The following RALGPS1 variants were observed in gnomAD, a reference collection of about 807,000 sequenced individuals.
RALGPS1 encodes the protein ras-specific guanine nucleotide-releasing factor RalGPS1.
Under a neutral mutation model 78.8 loss-of-function variants are expected in RALGPS1, and 19 were observed. That is an observed-to-expected ratio of 0.24 (90% CI 0.17 to 0.35). The LOEUF is 0.35. RALGPS1 is among the 10% of genes least tolerant of loss of function. The probability of loss-of-function intolerance (pLI) is 1.00; values close to 1 mark genes in which losing one functional copy is unlikely to be tolerated. For synonymous variants in RALGPS1, 228 were observed against 256.3 expected, an observed-to-expected ratio of 0.89 and a Z score of 1.06; for missense variants, 454 against 688.3, an observed-to-expected ratio of 0.66 and a Z score of 3.81.
chr9:126,958,142 A>AAAAAAAAAT (rs113413659), intron 1 of RALGPS1, among the ~76,000 whole-genome samples: 13 of 77,098 alleles, frequency 1.7e-4, no homozygotes, highest in Non-Finnish European at 3.3e-4. Context: ...AAAAAAAAAA[A>AAAAAAAAAT]ATATATATAT....
intron 8 of RALGPS1, among the ~76,000 whole-genome samples, chr9:127,099,040 G>A (rs1350989963): frequency 1.3e-5 from 2 of 152,236 alleles, no homozygotes; most frequent in Non-Finnish European, 2.9e-5. Flanking sequence ...CAAGAGGGAT[G>A]CCTCTTCTCT....
chr9:127,076,563 A>C lies in RALGPS1; in HGVS notation c.610+7207A>C, dbSNP rs543802320. ...CTTTATTTGCAAATATAAATTCTAAAGTTTAAAATCAAGACAAATTTTTCC... is the reference window on the plus strand; with the variant it reads ...CTTTATTTGCAAATATAAATTCTAACGTTTAAAATCAAGACAAATTTTTCC... On this transcript the variant is annotated intron_variant, in intron 8 of 18. Coordinates refer to ENST00000259351, the MANE Select transcript of RALGPS1 (RefSeq NM_014636.3). Among the ~76,000 whole-genome samples the C allele has an allele frequency of 9.2e-5, 14 of 152,370 alleles. 1 individual carries two copies. In the East Asian group the frequency reaches 2.7e-3, roughly 29 times the overall value.
intron 11 of RALGPS1, among the ~76,000 whole-genome samples, chr9:127,194,068 C>T (rs995311977): frequency 1.3e-5 from 2 of 152,220 alleles, no homozygotes; most frequent in African/African-American, 2.4e-5. Flanking sequence ...AACTCCCTGG[C>T]TCTGGTGACC....
At chr9:127,126,410 T>C (rs2056621398) in intron 8 of RALGPS1, among the ~76,000 whole-genome samples, 1 of 152,224 alleles carries the variant, frequency 6.6e-6, no homozygotes, top group East Asian at 1.9e-4. Context: ...TATATGTTTT[T>C]ACTAAATTTG....
chr9:126,941,514 C>T (rs1009505468), intron 1 of RALGPS1, among the ~76,000 whole-genome samples: 3 of 152,126 alleles, frequency 2.0e-5, no homozygotes, highest in Non-Finnish European at 2.9e-5. Context: ...ACCCTGCCTA[C>T]TTTTCTCTGC....
At chr9:127,060,266 T>C (rs1165221727) in intron 7 of RALGPS1, among the ~76,000 whole-genome samples, 2 of 152,100 alleles carry the variant, frequency 1.3e-5, no homozygotes, top group African/African-American at 4.8e-5. Flanking sequence ...TGTGAGAAAT[T>C]GTCACCCTAG....
At chr9:127,009,664 C>A (rs2044169359) in intron 4 of RALGPS1, among the ~76,000 whole-genome samples, 1 of 152,118 alleles carries the variant, frequency 6.6e-6, no homozygotes, top group South Asian at 2.1e-4. Context: ...TGTTCTGTGG[C>A]CTTGGACAGT....
chr9:127,132,132 C>T (rs564343342), intron 8 of RALGPS1, among the ~76,000 whole-genome samples: 42 of 152,192 alleles, frequency 2.8e-4, no homozygotes, highest in African/African-American at 9.4e-4. Context: ...AGGAAAAATG[C>T]GGTTTGGCTT....
chr9:127,108,992 G>C (rs540708016), intron 8 of RALGPS1, among the ~76,000 whole-genome samples: 9 of 152,234 alleles, frequency 5.9e-5, no homozygotes, highest in Non-Finnish European at 1.0e-4. Context: ...GAAGGGAAGA[G>C]GGAGGGTCTC....
intron 1 of RALGPS1, among the ~76,000 whole-genome samples, chr9:126,937,457 T>C (rs1296173581): frequency 1.3e-5 from 2 of 152,176 alleles, no homozygotes; most frequent in African/African-American, 4.8e-5. Context: ...AGAACTTATA[T>C]TAGGACTAGA....
chr9:127,044,342 C>T (rs139177578), intron 5 of RALGPS1, among the ~76,000 whole-genome samples: 1 of 152,098 alleles, frequency 6.6e-6, no homozygotes, highest in Non-Finnish European at 1.5e-5. Context: ...CTGCATCCTC[C>T]GCCTCCTGGG....
intron 11 of RALGPS1, among the ~76,000 whole-genome samples, chr9:127,180,481 T>C (rs1400279264): frequency 1.3e-5 from 2 of 152,262 alleles, no homozygotes; most frequent in Non-Finnish European, 2.9e-5. Flanking sequence ...CTGTAGGCCC[T>C]TGGGTCATTG....
chr9:127,199,729 C>T (rs771014902), intron 14 of RALGPS1, among the ~76,000 whole-genome samples: 1 of 152,150 alleles, frequency 6.6e-6, no homozygotes. Context: ...CCGGTGATCT[C>T]TAGGAAGGCA....
At chr9:127,108,318 G>A in intron 8 of RALGPS1, 1 of 1,613,762 alleles carries the variant, frequency 6.2e-7, no homozygotes, top group Non-Finnish European at 8.5e-7. Context: ...GGAGCTGCAT[G>A]TAGAGCTGCG....
At chr9:127,046,860 C>A (rs2047838498) in intron 5 of RALGPS1, among the ~76,000 whole-genome samples, 2 of 151,476 alleles carry the variant, frequency 1.3e-5, no homozygotes, top group African/African-American at 2.4e-5. Context: ...TACAAATGAC[C>A]TATAAATATT....
intron 8 of RALGPS1, among the ~76,000 whole-genome samples, chr9:127,153,130 G>A (rs2058516153): frequency 6.6e-6 from 1 of 152,178 alleles, no homozygotes; most frequent in South Asian, 2.1e-4. Context: ...ATGTGAGTGT[G>A]GGTTCTGCAG....
intron 8 of RALGPS1, among the ~76,000 whole-genome samples, chr9:127,150,858 G>A (rs893513818): frequency 6.6e-6 from 1 of 152,150 alleles, no homozygotes; most frequent in East Asian, 1.9e-4. Context: ...CACTGATGAG[G>A]GAGTGTGGCT....
At position 127,222,795 on chromosome 9, in the gene RALGPS1, T is replaced by G. The variant is rs1429291752; in HGVS notation, c.*4026T>G. The G allele has an allele frequency of 6.5e-6, 1 of 152,692 alleles. No individual in the cohort carries two copies. The highest frequency in any genetic ancestry group is 1.5e-5 in the Non-Finnish European group (1 of 68,050). 9.5% of individuals were successfully genotyped at this position (152,692 alleles called of 1,614,324 possible). ...TCCACTTAGCATTCAAAATGTTGCA[T>G]AGAGAGTAGTTTTCAATTTCTTATG... On this transcript the variant is annotated 3_prime_UTR_variant, in exon 19 of 19. Coordinates refer to ENST00000259351, the MANE Select transcript of RALGPS1 (RefSeq NM_014636.3).
At chr9:127,080,039 C>T (rs184133955) in intron 8 of RALGPS1, among the ~76,000 whole-genome samples, 1 of 152,164 alleles carries the variant, frequency 6.6e-6, no homozygotes, top group Non-Finnish European at 1.5e-5. Context: ...GGACTCCTCT[C>T]GAAAGCTAGT....
Sources: gnomAD v4.1 joint callset for allele counts (sites outside exome capture counted in the v4.1 genomes callset) on GRCh38, gnomAD v4.1.1 for gene constraint, MANE v1.5 for transcripts, NCBI Gene and HGNC (gene_info 2026-07-23, HGNC 2026-07-21) for gene names.